MROH9: variants seen among roughly 807,000 people sequenced by gnomAD.
MROH9 encodes maestro heat like repeat family member 9.
MROH9 carries 92 observed loss-of-function variants against 98.2 expected under a neutral mutation model. That is an observed-to-expected ratio of 0.94 (90% confidence interval 0.79 to 1.11). The LOEUF (loss-of-function observed/expected upper bound fraction) is 1.11. MROH9 is among the 50% of genes most tolerant of loss of function. MROH9 has a pLI of 0.00. For synonymous variants in MROH9, 397 were observed against 368.9 expected, an observed-to-expected ratio of 1.08 and a Z score of -0.87; for missense variants, 1,057 against 1,014.8, an observed-to-expected ratio of 1.04 and a Z score of -0.57.
chr1:170,996,683 A>G, intron 14 of MROH9, 39 bp downstream of exon 14: 1 of 1,595,322 alleles, frequency 6.3e-7, no homozygotes, highest in Non-Finnish European at 8.5e-7. Context: ...CTTGGTCTCT[A>G]TCCTACCTTC....
At chr1:170,989,121 T>G (rs534118722) in intron 10 of MROH9, among the ~76,000 whole-genome samples, 1 of 152,236 alleles carries the variant, frequency 6.6e-6, no homozygotes, top group Non-Finnish European at 1.5e-5. Flanking sequence ...TTGCATCAAC[T>G]AATTTTTCAG....
At chr1:170,939,313 C>T (rs956870893) in intron 1 of MROH9, among the ~76,000 whole-genome samples, 2 of 152,186 alleles carry the variant, frequency 1.3e-5, no homozygotes, top group Admixed American at 6.5e-5. Context: ...AAATCAGATT[C>T]AGTGCTCGAA....
chr1:171,017,689 C>CTA (rs999314460), intron 17 of MROH9, among the ~76,000 whole-genome samples: 34 of 152,266 alleles, frequency 2.2e-4, no homozygotes, highest in African/African-American at 7.9e-4. Context: ...CTCTATAGCT[C>CTA]TAGGCTATGC....
chr1:171,008,403 GTTAT>G (rs1255266019), intron 15 of MROH9, among the ~76,000 whole-genome samples: 3 of 152,082 alleles, frequency 2.0e-5, no homozygotes, highest in East Asian at 1.9e-4. Flanking sequence ...TTGTTCTGCA[GTTAT>G]TTATTATGTG....
chr1:171,040,852 G>T (rs1183885032), intron 20 of MROH9, among the ~76,000 whole-genome samples: 1 of 151,940 alleles, frequency 6.6e-6, no homozygotes, highest in African/African-American at 2.4e-5. Flanking sequence ...CACATAGAAT[G>T]GCATGTATCA....
At chr1:171,005,076 A>AT (rs946955504) in intron 15 of MROH9, among the ~76,000 whole-genome samples, 1 of 151,288 alleles carries the variant, frequency 6.6e-6, no homozygotes, top group Non-Finnish European at 1.5e-5. Flanking sequence ...AGACATTTTT[A>AT]TTTTTTTGAG....
intron 20 of MROH9, among the ~76,000 whole-genome samples, chr1:171,035,300 G>T (rs1044131270): frequency 1.3e-5 from 2 of 151,028 alleles, no homozygotes; most frequent in Admixed American, 6.6e-5. Context: ...AATATAAAGA[G>T]GAAGTTCAAA....
intron 5 of MROH9, 27 bp downstream of exon 5, chr1:170,959,624 A>G (rs756471800): frequency 6.2e-7 from 1 of 1,604,008 alleles, no homozygotes; most frequent in Non-Finnish European, 8.5e-7. Context: ...TTTAATCATT[A>G]TAGGATGTTA....
intron 14 of MROH9, among the ~76,000 whole-genome samples, chr1:170,997,942 T>C (rs1270236179): frequency 1.3e-5 from 2 of 152,106 alleles, no homozygotes; most frequent in Non-Finnish European, 2.9e-5. Context: ...GAAAGAGAAG[T>C]GACATTAAGG....
At chr1:171,063,682 T>C (rs1415514030) in intron 21 of MROH9, among the ~76,000 whole-genome samples, 2 of 152,270 alleles carry the variant, frequency 1.3e-5, no homozygotes, top group East Asian at 3.8e-4. Context: ...GCCTACATTA[T>C]GTTAATATGT....
chr1:170,957,013 C>CTGCT (rs796244461), intron 3 of MROH9, among the ~76,000 whole-genome samples: 19 of 91,644 alleles, frequency 2.1e-4, no homozygotes, highest in Admixed American at 1.7e-3. Context: ...ATTGGATTAT[C>CTGCT]TGCTTTTTTT....
chr1:170,964,034 C>T (rs917930237), intron 6 of MROH9, among the ~76,000 whole-genome samples: 1 of 152,096 alleles, frequency 6.6e-6, no homozygotes, highest in African/African-American at 2.4e-5. Context: ...CTTTTATTCA[C>T]TCCATGACAC....
intron 20 of MROH9, among the ~76,000 whole-genome samples, chr1:171,049,624 G>GA (rs1291294072): frequency 1.3e-5 from 2 of 150,842 alleles, no homozygotes; most frequent in South Asian, 4.2e-4. Context: ...GTCTTCTTTT[G>GA]AAAAAATGTC....
intron 20 of MROH9, among the ~76,000 whole-genome samples, chr1:171,058,360 A>G (rs539144329): frequency 1.3e-3 from 203 of 152,088 alleles, no homozygotes; most frequent in African/African-American, 4.7e-3. Flanking sequence ...AAAAAAAAAA[A>G]AGGAAAAACA....
rs1651583397 is a variant in MROH9 at position 170,996,633 on chromosome 1, C to A, written c.1464C>A (p.Cys488Ter). ...ATCTGTGTTACTATCATGGAGTCTG[C>A]TTTATTGCTAAGTAAGAACAGGGGT... is the stretch of plus-strand genomic sequence containing the variant. ...SEDLCYYHGV[C>*]FIAKTLSEYN... Residue 488 changes from cysteine (C) to a stop codon, truncating the protein, a stop_gained, in exon 14 of 22, where the codon TGC (cysteine) becomes TGA (stop). Transcript: ENST00000367759. LOFTEE classifies it high-confidence loss of function. 2 of 1,613,364 alleles carry A rather than the reference C, an allele frequency of 1.2e-6. No homozygotes were observed. Among genetic ancestry groups the A allele is most frequent in the Non-Finnish European group, 1.7e-6 (2 of 1,179,528 alleles).
intron 20 of MROH9, among the ~76,000 whole-genome samples, chr1:171,029,279 C>T (rs1167495894): frequency 4.0e-5 from 6 of 151,882 alleles, no homozygotes; most frequent in Non-Finnish European, 7.4e-5. Context: ...GGCACAATCT[C>T]GGCTCACTGC....
chr1:171,043,352 C>T (rs777945648), intron 20 of MROH9, among the ~76,000 whole-genome samples: 32 of 152,038 alleles, frequency 2.1e-4, no homozygotes, highest in Middle Eastern at 3.4e-3. Flanking sequence ...GTTTTTATGC[C>T]GGTACCATGT....
chr1:171,007,764 G>A (rs540674887), intron 15 of MROH9, among the ~76,000 whole-genome samples: 1 of 152,270 alleles, frequency 6.6e-6, no homozygotes, highest in African/African-American at 2.4e-5. Flanking sequence ...AGGGCACAAA[G>A]ACATAACCAA....
At chr1:171,038,094 G>A (rs554297439) in intron 20 of MROH9, among the ~76,000 whole-genome samples, 8 of 151,842 alleles carry the variant, frequency 5.3e-5, no homozygotes, top group East Asian at 1.9e-4. Flanking sequence ...AAAATGAAAC[G>A]GTATTGCAAA....
Sources: gnomAD v4.1 joint callset for allele counts (sites outside exome capture counted in the v4.1 genomes callset) on GRCh38, gnomAD v4.1.1 for gene constraint, MANE v1.5 for transcripts, NCBI Gene and HGNC (gene_info 2026-07-23, HGNC 2026-07-21) for gene names.